Variants in DMD observed in about 807,000 individuals in gnomAD.
DMD encodes mutant dystrophin.
Under a neutral mutation model 330.1 loss-of-function variants are expected in DMD, and 63 were observed. That is an observed-to-expected ratio of 0.19 (90% CI 0.16 to 0.24). The LOEUF (loss-of-function observed/expected upper bound fraction) is 0.24, where lower values mean the gene tolerates loss of function less well. DMD is among the 10% of genes least tolerant of loss of function. DMD has a pLI of 1.00. For synonymous variants in DMD, 1,223 were observed against 959.8 expected, an observed-to-expected ratio of 1.27 and a Z score of -5.07; for missense variants, 3,344 against 2,684.1, an observed-to-expected ratio of 1.25 and a Z score of -5.43.
intron 47 of DMD, among the ~76,000 whole-genome samples, chrX:31,923,104 T>C (rs996201677): frequency 8.9e-6 from 1 of 111,783 alleles, no homozygotes; most frequent in Non-Finnish European, 1.9e-5. Flanking sequence ...GAGGGAGCTA[T>C]TAAAAATTAT....
At chrX:32,249,544 T>C (rs1442128319) in intron 43 of DMD, among the ~76,000 whole-genome samples, 6 of 111,598 alleles carry the variant, frequency 5.4e-5, no homozygotes, top group East Asian at 5.7e-4. Flanking sequence ...AGCTGTATTA[T>C]GCCTATTTTA....
At chrX:31,846,823 T>C (rs899934108) in intron 48 of DMD, among the ~76,000 whole-genome samples, 1 of 111,734 alleles carries the variant, frequency 8.9e-6, no homozygotes, top group South Asian at 3.7e-4. Flanking sequence ...GGCAGATAGA[T>C]AGGATCAGGA....
At chrX:33,253,248 T>C (rs1463727692) in intron 1 of DMD, among the ~76,000 whole-genome samples, 1 of 107,978 alleles carries the variant, frequency 9.3e-6, no homozygotes, top group Admixed American at 9.7e-5. Flanking sequence ...AGTATGTATA[T>C]GTCAGGTACA....
At chrX:32,576,566 T>A (rs1303764063) in intron 13 of DMD, among the ~76,000 whole-genome samples, 3 of 110,350 alleles carry the variant, frequency 2.7e-5, no homozygotes, top group Non-Finnish European at 5.7e-5. Flanking sequence ...CAGTCCTGGG[T>A]GAGACAGAGG....
At chrX:32,960,506 C>A (rs932644224) in intron 2 of DMD, among the ~76,000 whole-genome samples, 2 of 112,092 alleles carry the variant, frequency 1.8e-5, no homozygotes, top group Admixed American at 9.5e-5. Flanking sequence ...AAGGCAGGAG[C>A]CTAACCTTAA....
Position 32,280,724 on chromosome X carries a change from T to G in DMD, c.6290+6805A>C. Among the ~76,000 whole-genome samples the G allele has an allele frequency of 1.8e-5, 2 of 112,064 alleles. 1 individual carries two copies. The highest frequency in any genetic ancestry group is 8.4e-3 in the Middle Eastern group (2 of 239). The stretch of plus-strand genomic sequence containing the variant: ...AGCTCCCAGATTATGCATCTGTCCC[T>G]CTAGCTTCCACTTTAAAAGATAAAA... On this transcript the variant is annotated intron_variant, in intron 43 of 78. Coordinates refer to ENST00000357033, the MANE Select transcript of DMD (RefSeq NM_004006.3).
At chrX:32,438,027 G>A (rs2098268076) in intron 29 of DMD, among the ~76,000 whole-genome samples, 1 of 111,897 alleles carries the variant, frequency 8.9e-6, no homozygotes, top group South Asian at 3.7e-4. Context: ...GGATGTCTCA[G>A]TTGCCTTTTA....
chrX:31,322,946 T>C (rs935211826), intron 62 of DMD, among the ~76,000 whole-genome samples: 2 of 111,758 alleles, frequency 1.8e-5, no homozygotes, highest in Non-Finnish European at 1.9e-5. Flanking sequence ...AATCACTCAA[T>C]ATCCTCTCTC....
intron 50 of DMD, among the ~76,000 whole-genome samples, chrX:31,809,754 T>C (rs1184416761): frequency 9.0e-6 from 1 of 110,903 alleles, no homozygotes; most frequent in Non-Finnish European, 1.9e-5. Context: ...GCCTGGAAGA[T>C]TTGCATCAAT....
intron 43 of DMD, among the ~76,000 whole-genome samples, chrX:32,248,211 G>A (rs1465350687): frequency 1.8e-5 from 2 of 111,221 alleles, no homozygotes; most frequent in Non-Finnish European, 3.8e-5. Flanking sequence ...AAATGCTCAG[G>A]TACAGCCAAT....
chrX:32,019,406 C>A (rs2095791150), intron 44 of DMD, among the ~76,000 whole-genome samples: 1 of 111,984 alleles, frequency 8.9e-6, no homozygotes, highest in African/African-American at 3.2e-5. Flanking sequence ...ACTGAATTTA[C>A]AAGATAATCT....
chrX:31,441,618 G>A, intron 60 of DMD, among the ~76,000 whole-genome samples: 1 of 96,955 alleles, frequency 1.0e-5, no homozygotes, highest in Non-Finnish European at 2.0e-5. Context: ...TATTTTCATA[G>A]AAATATGTCT....
chrX:32,600,591 C>T (rs927292909), intron 12 of DMD, among the ~76,000 whole-genome samples: 5 of 67,124 alleles, frequency 7.4e-5, no homozygotes, highest in African/African-American at 3.2e-4. Context: ...CACACAAACA[C>T]GCACACGCAC....
chrX:31,635,105 A>T (rs2079340822), intron 54 of DMD, among the ~76,000 whole-genome samples: 1 of 111,704 alleles, frequency 9.0e-6, no homozygotes, highest in Non-Finnish European at 1.9e-5. Context: ...CCTTTTGGGC[A>T]TTTATACAAC....
intron 62 of DMD, among the ~76,000 whole-genome samples, chrX:31,320,991 A>T (rs1414740130): frequency 9.0e-6 from 1 of 111,188 alleles, no homozygotes; most frequent in Non-Finnish European, 1.9e-5. Flanking sequence ...AATAATCCTA[A>T]ATTATATACC....
At chrX:31,714,586 G>C (rs2084882964) in intron 52 of DMD, among the ~76,000 whole-genome samples, 1 of 110,960 alleles carries the variant, frequency 9.0e-6, no homozygotes, top group Non-Finnish European at 1.9e-5. Flanking sequence ...CATATGCCAA[G>C]TATTTTAGAG....
chrX:33,068,324 C>T (rs1445966459), intron 1 of DMD, among the ~76,000 whole-genome samples: 1 of 111,849 alleles, frequency 8.9e-6, no homozygotes, highest in East Asian at 2.8e-4. Context: ...TAGAGTAAAG[C>T]TGTGGCTGAA....
chrX:32,998,898 T>C (rs754828280), intron 2 of DMD, among the ~76,000 whole-genome samples: 1 of 111,966 alleles, frequency 8.9e-6, no homozygotes, highest in Non-Finnish European at 1.9e-5. Context: ...CAGCTAGTAA[T>C]GTAAAATGGT....
At chrX:32,505,070 G>A (rs1046487715) in intron 18 of DMD, among the ~76,000 whole-genome samples, 8 of 111,320 alleles carry the variant, frequency 7.2e-5, no homozygotes, top group African/African-American at 2.3e-4. Flanking sequence ...AAAACTCCTA[G>A]CAGATAGCAG....
Sources: allele counts gnomAD v4.1 joint callset (sites outside exome capture counted in the v4.1 genomes callset), GRCh38; gene constraint gnomAD v4.1.1; transcripts MANE v1.5; gene names NCBI Gene and HGNC (gene_info 2026-07-23, HGNC 2026-07-21).